GPC6: variants seen among roughly 807,000 people sequenced by gnomAD.
GPC6 encodes the protein glypican 6, also known as glypican-6.
In GPC6, 14 loss-of-function variants were observed where a neutral mutation model predicts 55.2. The ratio of observed to expected loss-of-function variants is 0.25; its 90% confidence interval spans 0.17 to 0.40. GPC6 has a LOEUF of 0.40. Ranked by LOEUF, GPC6 falls within the 10% of genes least tolerant of loss-of-function variation. The pLI is 1.00. For missense variants in GPC6, 641 were observed against 708.5 expected, an observed-to-expected ratio of 0.90 and a Z score of 1.08; for synonymous variants, 278 against 259.6, an observed-to-expected ratio of 1.07 and a Z score of -0.68.
intron 4 of GPC6, among the ~76,000 whole-genome samples, chr13:94,095,894 C>CACTATTTT (rs1168482214): frequency 6.6e-6 from 1 of 152,122 alleles, no homozygotes; most frequent in South Asian, 2.1e-4. Context: ...TTATTATATA[C>CACTATTTT]ACTATTTTAC....
At chr13:94,124,603 A>C (rs541642320) in intron 4 of GPC6, among the ~76,000 whole-genome samples, 2 of 152,160 alleles carry the variant, frequency 1.3e-5, no homozygotes, top group South Asian at 4.1e-4. Context: ...ATAGAGTAAA[A>C]GGGGGAAACG....
chr13:94,155,879 AGG>A (rs1887916005), intron 4 of GPC6, among the ~76,000 whole-genome samples: 1 of 152,132 alleles, frequency 6.6e-6, no homozygotes, highest in Non-Finnish European at 1.5e-5. Flanking sequence ...CAGGAACAAG[AGG>A]GGTAGAGAGA....
chr13:93,782,994 C>G (rs1162355512), intron 2 of GPC6, among the ~76,000 whole-genome samples: 2 of 152,122 alleles, frequency 1.3e-5, no homozygotes, highest in African/African-American at 2.4e-5. Flanking sequence ...CCCCAACAGG[C>G]CCCAGTGTGT....
chr13:93,905,072 T>C (rs1876569520), intron 3 of GPC6, among the ~76,000 whole-genome samples: 1 of 114,246 alleles, frequency 8.8e-6, no homozygotes, highest in Non-Finnish European at 1.8e-5. Flanking sequence ...TTCTAAGCAT[T>C]CTCTCTTTTT....
chr13:93,884,888 T>G (rs1045546957), intron 3 of GPC6, among the ~76,000 whole-genome samples: 1 of 152,102 alleles, frequency 6.6e-6, no homozygotes, highest in African/African-American at 2.4e-5. Context: ...GTGTGTTATC[T>G]TTTAGTGAAA....
intron 3 of GPC6, among the ~76,000 whole-genome samples, chr13:93,935,747 A>G (rs569695461): frequency 5.4e-4 from 83 of 152,324 alleles, no homozygotes; most frequent in African/African-American, 1.9e-3. Context: ...GCATGCCAAC[A>G]TATATAAGAA....
chr13:93,690,047 A>G (rs148005194), intron 2 of GPC6, among the ~76,000 whole-genome samples: 1 of 152,158 alleles, frequency 6.6e-6, no homozygotes, highest in South Asian at 2.1e-4. Context: ...ATAACAAAGA[A>G]TATCTTTCAC....
chr13:93,921,799 C>A (rs1234182344), intron 3 of GPC6, among the ~76,000 whole-genome samples: 1 of 151,642 alleles, frequency 6.6e-6, no homozygotes, highest in Non-Finnish European at 1.5e-5. Flanking sequence ...TACCAGGTTT[C>A]CAGGCTTGGG....
chr13:93,964,145 G>A (rs541291273), intron 3 of GPC6, among the ~76,000 whole-genome samples: 1 of 152,260 alleles, frequency 6.6e-6, no homozygotes, highest in African/African-American at 2.4e-5. Context: ...GACTTTTAGA[G>A]GTCATGGAGA....
intron 4 of GPC6, among the ~76,000 whole-genome samples, chr13:94,091,951 A>G (rs1297996379): frequency 6.7e-6 from 1 of 149,390 alleles, no homozygotes; most frequent in Non-Finnish European, 1.5e-5. Flanking sequence ...AGGCAGCCCA[A>G]GCTTATTTTA....
At chr13:94,321,071 C>T (rs1255987111) in intron 6 of GPC6, among the ~76,000 whole-genome samples, 5 of 152,150 alleles carry the variant, frequency 3.3e-5, no homozygotes, top group East Asian at 1.9e-4. Context: ...TCCTCCATCT[C>T]GCCCCCATCA....
intron 6 of GPC6, among the ~76,000 whole-genome samples, chr13:94,364,742 G>A (rs959944164): frequency 6.6e-6 from 1 of 152,080 alleles, no homozygotes; most frequent in Non-Finnish European, 1.5e-5. Context: ...CGAATCAAGT[G>A]TGTGTGCCTG....
At chr13:93,873,100 A>G (rs1566579685) in intron 3 of GPC6, among the ~76,000 whole-genome samples, 1 of 151,874 alleles carries the variant, frequency 6.6e-6, no homozygotes, top group African/African-American at 2.4e-5. Flanking sequence ...TTTTAGAGAA[A>G]AGGACATTTT....
At chr13:93,523,810 C>G (rs549296255) in intron 1 of GPC6, among the ~76,000 whole-genome samples, 3 of 151,972 alleles carry the variant, frequency 2.0e-5, no homozygotes, top group Non-Finnish European at 4.4e-5. Flanking sequence ...GCTTTTCTCT[C>G]ATTTTGAATA....
At chr13:93,694,152 AT>A (rs1882361761) in intron 2 of GPC6, among the ~76,000 whole-genome samples, 1 of 152,146 alleles carries the variant, frequency 6.6e-6, no homozygotes, top group Admixed American at 6.5e-5. Flanking sequence ...TATTTCTGAA[AT>A]AAAAAACATG....
Position 93,727,475 on chromosome 13 carries a change from CA to C in GPC6, c.320-102678del, listed in dbSNP as rs1883684387. 2.6e-5 allele frequency among the ~76,000 whole-genome samples: 4 copies of C among 151,200 alleles called. 1 individual carries two copies. In the Admixed American group the frequency reaches 2.7e-4, roughly 10 times the overall value. The stretch of plus-strand genomic sequence containing the variant: ...CTAAATAATCTCCTGAGTGGTCTCC[CA>C]GCTTACACTCTTGCCCTTCCCCGTG... On this transcript the variant is annotated intron_variant, in intron 2 of 8. Transcript: ENST00000377047.
intron 2 of GPC6, among the ~76,000 whole-genome samples, chr13:93,561,835 G>A (rs991793789): frequency 9.9e-5 from 15 of 152,136 alleles, no homozygotes; most frequent in Non-Finnish European, 1.5e-5. Context: ...TAAAAAATAT[G>A]CCATTTGCCT....
intron 4 of GPC6, among the ~76,000 whole-genome samples, chr13:94,155,844 C>T (rs1438665014): frequency 6.6e-6 from 1 of 152,122 alleles, no homozygotes; most frequent in Non-Finnish European, 1.5e-5. Context: ...CCCATACATG[C>T]TATTGTGAGT....
Position 94,122,126 on chromosome 13 carries a change from T to C in GPC6, c.877+94232T>C, listed in dbSNP as rs565500034. On this transcript the variant is annotated intron_variant, in intron 4 of 8. Coordinates refer to ENST00000377047, the MANE Select transcript of GPC6 (RefSeq NM_005708.5). Reference sequence around the variant, plus strand: ...GTGAAAGGTCCTTCTTGCAGGATTATTATATATAAATAAAAAAAAGTTTTC... The same window carrying C: ...GTGAAAGGTCCTTCTTGCAGGATTACTATATATAAATAAAAAAAAGTTTTC... 3.3e-5 allele frequency among the ~76,000 whole-genome samples: 5 copies of C among 152,168 alleles called. No homozygotes were observed. The South Asian group carries it at 1.0e-3, about 32-fold the overall frequency.
Sources: gnomAD v4.1 joint callset for allele counts (sites outside exome capture counted in the v4.1 genomes callset) on GRCh38, gnomAD v4.1.1 for gene constraint, MANE v1.5 for transcripts, NCBI Gene and HGNC (gene_info 2026-07-23, HGNC 2026-07-21) for gene names.